The following SLF2 variants were observed in gnomAD, a reference collection of about 807,000 sequenced individuals.
The protein encoded by SLF2 is SMC5-SMC6 complex localization factor protein 2.
SLF2 carries 68 observed loss-of-function variants against 124.3 expected under a neutral mutation model. The observed-to-expected ratio is 0.55, with a 90% confidence interval of 0.45 to 0.67. The LOEUF is 0.67. Among genes scored for constraint, SLF2 ranks in the 30% least tolerant of loss-of-function variants. The probability of loss-of-function intolerance (pLI) is 0.00; values close to 1 mark genes in which losing one functional copy is unlikely to be tolerated. For synonymous variants in SLF2, 480 were observed against 478.8 expected, an observed-to-expected ratio of 1.00 and a Z score of -0.03; for missense variants, 1,246 against 1,373.7, an observed-to-expected ratio of 0.91 and a Z score of 1.47.
In SLF2 at chr10:100,916,945, A is replaced by G. The variant is rs755631382; in HGVS notation, c.560A>G (p.Asp187Gly). 1.9e-6 allele frequency: 3 copies of G among 1,614,236 alleles called. No homozygotes were observed. The highest frequency in any genetic ancestry group is 2.7e-5 in the African/African-American group (2 of 75,068). ...ATTCATGAAAATAATGAGAAGAATG[A>G]TAGAGATCGAGGCAAAACCAATGCA... ...LFIHENNEKN[D>G]RDRGKTNADS... The change falls in exon 3 of 20, where the codon GAT (aspartate) becomes GGT (glycine). Residue 187 changes from aspartate (D) to glycine (G), a missense_variant. Physicochemically the swap from Asp to Gly is moderately conservative, Grantham distance 94 (BLOSUM62 -1). This residue lies in a region of SLF2 where 698 missense variants were observed against 708.9 expected (regional missense o/e 0.98). Coordinates refer to ENST00000238961, the MANE Select transcript of SLF2 (RefSeq NM_018121.4).
At chr10:100,951,620 C>T (rs1850215517) in intron 17 of SLF2, among the ~76,000 whole-genome samples, 1 of 152,224 alleles carries the variant, frequency 6.6e-6, no homozygotes, top group African/African-American at 2.4e-5. Flanking sequence ...TTGGCCACTC[C>T]CAGATTATTT....
At chr10:100,943,705 A>C (rs1191442509) in intron 11 of SLF2, 1 of 218,338 alleles carries the variant, frequency 4.6e-6, no homozygotes, top group Admixed American at 5.9e-5. Context: ...GGATAGTACC[A>C]TATAAAAAGT....
rs1354854009 is a variant in SLF2, at chr10:100,924,102, A to T, written c.1101A>T (p.Gly367=). The change falls in exon 5 of 20, where the codon GGA becomes GGT. Residue 367 remains glycine, a synonymous_variant. Transcript: ENST00000238961. ...CCTTCCTTGAGAAGCGTCCTGATGG[A>T]CCACATCAGAAAGAAAAATTTATAA... ...RESFLEKRPD[G]PHQKEKFIKH... is the part of the protein sequence containing the mutation. 1.2e-6 allele frequency: 2 copies of T among 1,613,566 alleles called. No individual in the cohort carries two copies. Among genetic ancestry groups the T allele is most frequent in the Non-Finnish European group, 1.7e-6 (2 of 1,179,898 alleles).
At chr10:100,936,728 T>G (rs1849868804) in intron 9 of SLF2, among the ~76,000 whole-genome samples, 1 of 152,214 alleles carries the variant, frequency 6.6e-6, no homozygotes, top group African/African-American at 2.4e-5. Flanking sequence ...TATATTTGTA[T>G]CTTATTAATT....
chr10:100,938,787 A>ATATATAATTATAGCT (rs1345427125), intron 11 of SLF2, 51 bp downstream of exon 11: 1 of 1,437,592 alleles, frequency 7.0e-7, no homozygotes, highest in African/African-American at 1.5e-5. Context: ...CGTACGACTT[A>ATATATAATTATAGCT]TATATAATTA....
chr10:100,946,306 A>G (rs1010265382), intron 13 of SLF2, among the ~76,000 whole-genome samples: 3 of 148,388 alleles, frequency 2.0e-5, no homozygotes, highest in African/African-American at 7.5e-5. Flanking sequence ...ATGGTAATAC[A>G]TATTTTGGGG....
intron 1 of SLF2, chr10:100,913,569 T>G: frequency 8.3e-7 from 1 of 1,203,794 alleles, no homozygotes; most frequent in Non-Finnish European, 1.0e-6. Context: ...TAATGCATAT[T>G]TAGATCGTTT....
Position 100,945,335 on chromosome 10 carries a change from A to G in SLF2, c.2763A>G (p.Leu921=). The change falls in exon 13 of 20, where the codon CTA becomes CTG. Residue 921 remains leucine (L), a synonymous_variant. Coordinates refer to ENST00000238961, the MANE Select transcript of SLF2 (RefSeq NM_018121.4). Reference sequence around the variant, plus strand: ...TGTGCATTTATGTTAAACAGTTTCTAGGCTTGTGTACATCTATACATCCAG... The same window carrying G: ...TGTGCATTTATGTTAAACAGTTTCTGGGCTTGTGTACATCTATACATCCAG... ...ETNILNVVKF[L]GLCTSIHPEG... is the part of the protein sequence containing the mutation. 6.4e-7 allele frequency: 1 copy of G among 1,571,966 alleles called. No individual in the cohort carries two copies. The highest frequency in any genetic ancestry group is 1.2e-5 in the South Asian group (1 of 81,482).
chr10:100,947,266 C>T (rs549629359), intron 14 of SLF2, 130 bp downstream of exon 14: 12 of 492,678 alleles, frequency 2.4e-5, no homozygotes, highest in Admixed American at 2.3e-4. Context: ...TATTCAGTTG[C>T]GAGAAAAGGC....
At chr10:100,935,418 A>G (rs976352224) in intron 9 of SLF2, among the ~76,000 whole-genome samples, 5 of 148,678 alleles carry the variant, frequency 3.4e-5, no homozygotes, top group Non-Finnish European at 5.9e-5. Flanking sequence ...GTTATATCAG[A>G]GGTTAGGTGC....
chr10:100,948,575 T>G (rs1213696611), intron 15 of SLF2, among the ~76,000 whole-genome samples: 1 of 152,154 alleles, frequency 6.6e-6, no homozygotes, highest in East Asian at 1.9e-4. Flanking sequence ...GGGGCTGCCC[T>G]TGCTTGGATT....
At chr10:100,926,475 A>C in intron 6 of SLF2, 1 of 478,510 alleles carries the variant, frequency 2.1e-6, no homozygotes. Flanking sequence ...ATGGTGCCAC[A>C]TACCTATGGT....
intron 2 of SLF2, among the ~76,000 whole-genome samples, chr10:100,916,339 A>T (rs1186966047): frequency 1.3e-5 from 2 of 152,152 alleles, no homozygotes; most frequent in Admixed American, 1.3e-4. Flanking sequence ...GGGAGGTTAT[A>T]TGATGTACCA....
chr10:100,945,568 G>A, intron 13 of SLF2, 62 bp downstream of exon 13: 5 of 1,280,208 alleles, frequency 3.9e-6, no homozygotes, highest in Non-Finnish European at 5.2e-6. Context: ...GACTCATAGT[G>A]CATATGGAAT....
intron 15 of SLF2, among the ~76,000 whole-genome samples, chr10:100,949,506 G>A (rs184869777): frequency 9.9e-5 from 15 of 152,104 alleles, no homozygotes; most frequent in African/African-American, 3.1e-4. Context: ...ATTTAACAGA[G>A]AAAGCATTCC....
intron 6 of SLF2, 125 bp downstream of exon 6, chr10:100,926,144 T>C (rs1331136104): frequency 2.6e-6 from 4 of 1,568,078 alleles, no homozygotes; most frequent in Admixed American, 3.8e-5. Context: ...TGTTGTCAAC[T>C]GTGTTAGAAT....
chr10:100,932,745 G>A (rs754237856), intron 9 of SLF2, among the ~76,000 whole-genome samples: 17 of 151,620 alleles, frequency 1.1e-4, no homozygotes, highest in Non-Finnish European at 2.4e-4. Context: ...GCGCACATTT[G>A]TAAATGTATT....
At chr10:100,945,044 A>T (rs963220927) in intron 12 of SLF2, among the ~76,000 whole-genome samples, 10 of 146,302 alleles carry the variant, frequency 6.8e-5, no homozygotes, top group African/African-American at 1.2e-4. Flanking sequence ...AAAAGAAGAT[A>T]AAAAAAAAAA....
chr10:100,964,734 A>G lies in SLF2; in HGVS notation c.*2822A>G, dbSNP rs1850480133. 1 of 152,376 alleles carries G rather than the reference A, an allele frequency of 6.6e-6. No homozygotes were observed. Among genetic ancestry groups the G allele is most frequent in the Non-Finnish European group, 1.5e-5 (1 of 68,036 alleles). 9.4% of individuals were successfully genotyped at this position (152,376 alleles called of 1,614,324 possible). ...TAATTGGTGGGGACTGGCCAGTAAT[A>G]ATGTGTGGCGTCTTTAAGCCAAGAG... On this transcript the variant is annotated 3_prime_UTR_variant, in exon 20 of 20. Transcript: ENST00000238961.
Sources: gnomAD v4.1 joint callset for allele counts (sites outside exome capture counted in the v4.1 genomes callset) on GRCh38, gnomAD v4.1.1 for gene constraint, gnomAD v4.1.1 regional missense constraint, MANE v1.5 for transcripts, NCBI Gene and HGNC (gene_info 2026-07-23, HGNC 2026-07-21) for gene names.